MTMR7: variants seen among roughly 807,000 people sequenced by gnomAD.
MTMR7 encodes phosphatidylinositol-3-phosphate phosphatase MTMR7.
Under a neutral mutation model 81.2 loss-of-function variants are expected in MTMR7, and 76 were observed. The observed-to-expected ratio is 0.94, with a 90% CI of 0.78 to 1.13. MTMR7 has a LOEUF of 1.13. Ranked by LOEUF, MTMR7 falls within the 50% of genes most tolerant of loss-of-function variation. The pLI is 0.00. For missense variants in MTMR7, 1,044 were observed against 820.0 expected (o/e 1.27, Z -3.34); for synonymous variants, 372 against 289.8 (o/e 1.28, Z -2.88).
chr8:17,349,777 C>G lies in MTMR7; in HGVS notation c.469-696G>C, dbSNP rs150938690. 2.9e-3 allele frequency among the ~76,000 whole-genome samples: 438 copies of G among 152,310 alleles called. 3 individuals carry two copies. The highest frequency in any genetic ancestry group is 0.01 in the African/African-American group (418 of 41,550). ...GATAAGTGGTAAGGATCGATGTACT[C>G]TTTCTACGCATTCCTGAGAGTGACT... On this transcript the variant is annotated intron_variant, in intron 4 of 13. Coordinates refer to ENST00000180173, the MANE Select transcript of MTMR7 (RefSeq NM_004686.5).
chr8:17,331,397 A>C, intron 6 of MTMR7, 115 bp from the exon 7 acceptor site: 4 of 1,128,052 alleles, frequency 3.5e-6, no homozygotes, highest in Non-Finnish European at 4.9e-6. Flanking sequence ...GTACGGAAAC[A>C]TAATACGCTT....
chr8:17,371,225 A>C (rs753794487), intron 2 of MTMR7, 26 bp from the exon 3 acceptor site: 5 of 1,607,236 alleles, frequency 3.1e-6, no homozygotes, highest in Non-Finnish European at 4.3e-6. Context: ...AATGTGCATA[A>C]GCTAAGCACA....
intron 7 of MTMR7, among the ~76,000 whole-genome samples, chr8:17,316,464 T>TAAA (rs3040963): frequency 2.8e-5 from 4 of 143,472 alleles, no homozygotes; most frequent in Admixed American, 6.9e-5. Flanking sequence ...AACAGTACAG[T>TAAA]AAAAAAAAAA....
At chr8:17,369,186 G>A (rs924175427) in intron 3 of MTMR7, among the ~76,000 whole-genome samples, 2 of 152,184 alleles carry the variant, frequency 1.3e-5, no homozygotes, top group African/African-American at 2.4e-5. Flanking sequence ...TATCTGCTGC[G>A]TGCAACCTAA....
Position 17,413,338 on chromosome 8 carries a change from A to C in MTMR7, c.-46T>G, listed in dbSNP as rs1171525562. ...GTCCCGGGCGGGCGCGGCCTCACGC[A>C]CCTGCGCGCCTCTGCGGCGCGATGG... On this transcript the variant is annotated 5_prime_UTR_variant, in exon 1 of 14. Coordinates refer to ENST00000180173, the MANE Select transcript of MTMR7 (RefSeq NM_004686.5). The C allele has an allele frequency of 1.3e-6, 2 of 1,508,816 alleles. No homozygotes were observed. The highest frequency in any genetic ancestry group is 2.8e-5 in the East Asian group (1 of 35,090). The allele number at this position is 1,508,816 out of a possible 1,614,324, so 93.5% of individuals were successfully genotyped here.
At chr8:17,379,827 A>G (rs1372891071) in intron 1 of MTMR7, among the ~76,000 whole-genome samples, 1 of 152,120 alleles carries the variant, frequency 6.6e-6, no homozygotes, top group Non-Finnish European at 1.5e-5. Flanking sequence ...GTAGTGAAGC[A>G]CCACAGGAAA....
intron 7 of MTMR7, among the ~76,000 whole-genome samples, chr8:17,325,740 C>T (rs1000763657): frequency 2.0e-5 from 3 of 151,572 alleles, no homozygotes; most frequent in Non-Finnish European, 2.9e-5. Flanking sequence ...GCTGATTGCA[C>T]ACAGACCCTA....
intron 1 of MTMR7, among the ~76,000 whole-genome samples, chr8:17,381,139 G>C (rs756987901): frequency 6.6e-6 from 1 of 152,114 alleles, no homozygotes; most frequent in Admixed American, 6.5e-5. Flanking sequence ...AGATTCAATG[G>C]AAAAGACTAT....
chr8:17,381,789 GATAA>G (rs1264515423), intron 1 of MTMR7, among the ~76,000 whole-genome samples: 1 of 152,202 alleles, frequency 6.6e-6, no homozygotes, highest in African/African-American at 2.4e-5. Context: ...AAAGCAGCTA[GATAA>G]ATAGTTTGTT....
rs890331429 is a variant in MTMR7 at position 17,298,150 on chromosome 8, G to T, written c.*1712C>A. ...TTCTAAGAGTGGACAGCTCCAAGAA[G>T]GTTGTGAAGTGAGTTATGTTATGTT... On this transcript the variant is annotated 3_prime_UTR_variant, in exon 14 of 14. Coordinates refer to ENST00000180173, the MANE Select transcript of MTMR7 (RefSeq NM_004686.5). The T allele has an allele frequency of 6.6e-6, 1 of 152,008 alleles. No homozygotes were observed. The highest frequency in any genetic ancestry group is 2.4e-5 in the African/African-American group (1 of 41,434). The allele number at this position is 152,008 out of a possible 1,614,324, so 9.4% of individuals were successfully genotyped here.
intron 3 of MTMR7, among the ~76,000 whole-genome samples, chr8:17,364,098 C>G (rs10088362): frequency 7.2e-6 from 1 of 138,250 alleles, no homozygotes; most frequent in African/African-American, 2.7e-5. Context: ...GGCGCGATCT[C>G]GGCTCACTGC....
intron 1 of MTMR7, among the ~76,000 whole-genome samples, chr8:17,393,182 A>G (rs1307914266): frequency 6.6e-6 from 1 of 152,192 alleles, no homozygotes; most frequent in Admixed American, 6.5e-5. Context: ...GAGTAGGAAA[A>G]TTACTTTCAA....
intron 3 of MTMR7, among the ~76,000 whole-genome samples, chr8:17,367,903 TG>T (rs1820281783): frequency 1.3e-5 from 2 of 151,866 alleles, no homozygotes; most frequent in South Asian, 4.2e-4. Flanking sequence ...AAAGTACTTT[TG>T]ATTTTAATAT....
At chr8:17,359,835 C>T (rs1019535850) in intron 4 of MTMR7, among the ~76,000 whole-genome samples, 6 of 152,126 alleles carry the variant, frequency 3.9e-5, no homozygotes, top group Non-Finnish European at 8.8e-5. Flanking sequence ...TATAAGGAAT[C>T]AAGCATTCAC....
rs945416646 is a variant in MTMR7 at position 17,333,974 on chromosome 8, A to T, written c.733-2692T>A. Among the ~76,000 whole-genome samples the T allele has an allele frequency of 4.6e-5, 7 of 152,348 alleles. No individual in the cohort carries two copies. The South Asian group carries it at 1.5e-3, about 32-fold the overall frequency. ...AATGTAGAATAGATTTTTTAAACAT[A>T]AACAAAAATTAAAATATTATTTTAA... On this transcript the variant is annotated intron_variant, in intron 6 of 13. Coordinates refer to ENST00000180173, the MANE Select transcript of MTMR7 (RefSeq NM_004686.5).
chr8:17,362,559 G>A (rs916684549), intron 3 of MTMR7, among the ~76,000 whole-genome samples: 6 of 152,218 alleles, frequency 3.9e-5, no homozygotes, highest in Middle Eastern at 3.4e-3. Flanking sequence ...GCCAGTTACC[G>A]GAGAGTCCAG....
At chr8:17,368,844 T>A (rs75795057) in intron 3 of MTMR7, among the ~76,000 whole-genome samples, 1,589 of 152,354 alleles carry the variant, frequency 0.01, 36 homozygotes, top group African/African-American at 0.036. Flanking sequence ...TGAATGACTA[T>A]GATTTCTTTT....
At chr8:17,366,374 C>T (rs879471157) in intron 3 of MTMR7, among the ~76,000 whole-genome samples, 18 of 151,442 alleles carry the variant, frequency 1.2e-4, no homozygotes, top group Non-Finnish European at 2.7e-4. Context: ...CTGGGAGAAG[C>T]AATAAATAAT....
At chr8:17,398,841 G>C (rs1821336459) in intron 1 of MTMR7, among the ~76,000 whole-genome samples, 1 of 152,172 alleles carries the variant, frequency 6.6e-6, no homozygotes, top group Non-Finnish European at 1.5e-5. Flanking sequence ...TGAAAGTGTA[G>C]AGTTTTTATT....
Sources: allele counts gnomAD v4.1 joint callset (sites outside exome capture counted in the v4.1 genomes callset), GRCh38; gene constraint gnomAD v4.1.1; transcripts MANE v1.5; gene names NCBI Gene and HGNC (gene_info 2026-07-23, HGNC 2026-07-21).